PAXIP1: variants seen among roughly 807,000 people sequenced by gnomAD.
PAXIP1 encodes the protein PAX-interacting protein 1.
Under a neutral mutation model 140.6 loss-of-function variants are expected in PAXIP1, and 19 were observed. The observed-to-expected ratio is 0.14, with a 90% CI of 0.09 to 0.20. The LOEUF (loss-of-function observed/expected upper bound fraction) is 0.20, where lower values mean the gene tolerates loss of function less well. PAXIP1 is among the 10% of genes least tolerant of loss of function. The pLI is 1.00. For missense variants in PAXIP1, 920 were observed against 1,208.6 expected, an observed-to-expected ratio of 0.76 and a Z score of 3.54; for synonymous variants, 442 against 444.6, an observed-to-expected ratio of 0.99 and a Z score of 0.07.
chr7:154,953,308 A>T (rs981139322), intron 16 of PAXIP1, among the ~76,000 whole-genome samples: 3 of 152,240 alleles, frequency 2.0e-5, no homozygotes, highest in Non-Finnish European at 4.4e-5. Flanking sequence ...AATATAGGGC[A>T]AACAACTGGC....
intron 4 of PAXIP1, among the ~76,000 whole-genome samples, chr7:154,989,324 C>T (rs1279624344): frequency 1.3e-5 from 2 of 152,196 alleles, no homozygotes; most frequent in Non-Finnish European, 2.9e-5. Context: ...TACCCAGCTC[C>T]GTAATCCTCT....
intron 8 of PAXIP1, chr7:154,965,140 T>C (rs893162873): frequency 6.6e-6 from 1 of 152,234 alleles, no homozygotes; most frequent in African/African-American, 2.4e-5. Context: ...GTTTTCCCTC[T>C]ATCTTGGGTC....
rs570004947 is a variant in PAXIP1 at position 154,977,288 on chromosome 7, T to C, written c.439-957A>G. Among the ~76,000 whole-genome samples, 17 of 152,332 alleles carry C rather than the reference T, an allele frequency of 1.1e-4. No homozygotes were observed. In the South Asian group the frequency reaches 3.3e-3, roughly 30 times the overall value. ...AAGTAACCTTAAAATAAATGAGTTG[T>C]AAATTTGGCTGTGCTCCTAAAAGCT... On this transcript the variant is annotated intron_variant, in intron 5 of 20. Transcript: ENST00000404141.
rs376061286 is a variant in PAXIP1, at chr7:154,973,009, T to G, written c.1074+2687A>C. Among the ~76,000 whole-genome samples, 1 of 152,250 alleles carries G rather than the reference T, an allele frequency of 6.6e-6. No homozygotes were observed. The highest frequency in any genetic ancestry group is 1.5e-5 in the Non-Finnish European group (1 of 68,042). On this transcript the variant is annotated intron_variant, in intron 6 of 20. Transcript: ENST00000404141. The surrounding 1 kb of genome is among the most constrained non-coding windows in gnomAD (Gnocchi z 4.0). ...GCCCTGTGGCTTTATCCCGCCCACC[T>G]GCCTGGACGCGGATGTGCAGGGACC...
chr7:154,976,809 A>G (rs948384810), intron 5 of PAXIP1, among the ~76,000 whole-genome samples: 1 of 152,230 alleles, frequency 6.6e-6, no homozygotes, highest in African/African-American at 2.4e-5. Context: ...GGACAGCTCT[A>G]TTCAAGATCC....
At chr7:154,984,923 T>G (rs1305444571) in intron 4 of PAXIP1, among the ~76,000 whole-genome samples, 1 of 152,190 alleles carries the variant, frequency 6.6e-6, no homozygotes. Context: ...GGCGTAGACC[T>G]CAACAGGGTG....
At chr7:154,958,120 C>A (rs1457547858) in intron 13 of PAXIP1, among the ~76,000 whole-genome samples, 2 of 152,160 alleles carry the variant, frequency 1.3e-5, no homozygotes, top group African/African-American at 2.4e-5. Context: ...TACCAACAGC[C>A]AGACAAGGTA....
In PAXIP1 at chr7:154,954,315, C is replaced by T. The variant is rs755840208; in HGVS notation, c.2761G>A (p.Val921Met). 6.2e-7 allele frequency: 1 copy of T among 1,603,328 alleles called. No homozygotes were observed. Among genetic ancestry groups the T allele is most frequent in the Admixed American group, 1.7e-5 (1 of 59,510 alleles). Residue 921 changes from valine (V) to methionine (M), a missense_variant, in exon 16 of 21, where the codon GTG becomes ATG. Transcript: ENST00000404141. The surrounding 1 kb of genome is among the most constrained non-coding windows in gnomAD (Gnocchi z 5.1). ...TVKFLTAISV[V>M]KHIVTPEWLE... is the part of the protein sequence containing the mutation. ...CACTCTGGCGTCACTATGTGCTTCA[C>T]GACAGAAATCGCCGTCAGGAACTTC...
At position 154,998,638 on chromosome 7, in the gene PAXIP1, T is replaced by C. The variant is rs1339981532; in HGVS notation, c.216+12A>G. The stretch of plus-strand genomic sequence containing the variant: ...AGGAAAAGATATAAAACAAATTATG[T>C]TTACTACTGACCTTTACAACAGGTA... On this transcript the variant is annotated intron_variant, in intron 2 of 20. Coordinates refer to ENST00000404141, the MANE Select transcript of PAXIP1 (RefSeq NM_007349.4). 1.2e-6 allele frequency: 2 copies of C among 1,608,428 alleles called. No individual in the cohort carries two copies. Among genetic ancestry groups the C allele is most frequent in the Non-Finnish European group, 8.5e-7 (1 of 1,176,144 alleles).
At chr7:154,962,737 A>C in intron 9 of PAXIP1, 1 of 220,818 alleles carries the variant, frequency 4.5e-6, no homozygotes, top group Non-Finnish European at 9.0e-6. Flanking sequence ...CTGAAACAAC[A>C]TGTGTGACCA....
At chr7:154,960,838 G>T in intron 12 of PAXIP1, 55 bp downstream of exon 12, 1 of 1,256,324 alleles carries the variant, frequency 8.0e-7, no homozygotes, top group Admixed American at 2.7e-5. Context: ...GATGGTAGAA[G>T]TAATGCTAAT....
At chr7:154,988,370 A>G (rs956293272) in intron 4 of PAXIP1, among the ~76,000 whole-genome samples, 21 of 152,300 alleles carry the variant, frequency 1.4e-4, no homozygotes, top group East Asian at 5.8e-4. Context: ...TCATAGAATC[A>G]TACCTGTGGC....
At position 154,993,728 on chromosome 7, in the gene PAXIP1, C is replaced by G; in HGVS notation, c.258G>C (p.Leu86=). ...CCCCCACTCAAAAAAAAGGATACGG[C>G]AGAAGAGTTCCACACTGAACGGACA... ...VILSVQCGTL[L]PVNGFSPESC... is the part of the protein sequence containing the mutation. Residue 86 remains leucine (L), a splice_region_variant and synonymous_variant, in exon 3 of 21, where the codon CTG becomes CTC. Transcript: ENST00000404141. 1 of 1,592,192 alleles carries G rather than the reference C, an allele frequency of 6.3e-7. No homozygotes were observed. Among genetic ancestry groups the G allele is most frequent in the Non-Finnish European group, 8.6e-7 (1 of 1,169,202 alleles).
At chr7:155,002,516 C>T (rs1301213994) in intron 1 of PAXIP1, among the ~76,000 whole-genome samples, 2 of 151,816 alleles carry the variant, frequency 1.3e-5, no homozygotes, top group Non-Finnish European at 2.9e-5. Context: ...CGCGACCCCG[C>T]GCCCGTCCCG....
rs1807971575 is a variant in PAXIP1 at position 154,946,324 on chromosome 7, T to C, written c.3194+41A>G. The C allele has an allele frequency of 6.2e-7, 1 of 1,613,386 alleles. No homozygotes were observed. The highest frequency in any genetic ancestry group is 1.1e-5 in the South Asian group (1 of 91,072). ...ATTAACCTGGGAAATCCATTTCATA[T>C]CTAACCCGTCTACTTTTTAATTCTC... On this transcript the variant is annotated intron_variant, in intron 20 of 20. Transcript: ENST00000404141. This position sits in a 1 kb window ranked among gnomAD's most constrained non-coding sequence, Gnocchi z 4.9.
chr7:154,943,889 C>T lies in PAXIP1; in HGVS notation c.*260G>A. 2 of 427,908 alleles carry T rather than the reference C, an allele frequency of 4.7e-6. No individual in the cohort carries two copies. Among genetic ancestry groups the T allele is most frequent in the Non-Finnish European group, 8.6e-6 (2 of 231,800 alleles). The allele number at this position is 427,908 out of a possible 1,614,324, so 26.5% of individuals were successfully genotyped here. A position where few individuals can be genotyped will look rare whatever the true frequency, so the allele number is the denominator to read the frequency against. On this transcript the variant is annotated 3_prime_UTR_variant, in exon 21 of 21. Transcript: ENST00000404141. ...CAGTTTTGTGAAAACATTTAAAAACCTGGCAAATGAATCATAAAACCTAAT... is the reference window on the plus strand; with the variant it reads ...CAGTTTTGTGAAAACATTTAAAAACTTGGCAAATGAATCATAAAACCTAAT...
In PAXIP1 at chr7:154,973,428, T is replaced by C. The variant is rs568792337; in HGVS notation, c.1074+2268A>G. The stretch of plus-strand genomic sequence containing the variant: ...CCTCTCAAGCCAGAAACCCAAAGTC[T>C]TCCCTATCTATGAATCACCTATTTG... On this transcript the variant is annotated intron_variant, in intron 6 of 20. Coordinates refer to ENST00000404141, the MANE Select transcript of PAXIP1 (RefSeq NM_007349.4). The surrounding 1 kb of genome is among the most constrained non-coding windows in gnomAD (Gnocchi z 4.0). Among the ~76,000 whole-genome samples, 1 of 152,292 alleles carries C rather than the reference T, an allele frequency of 6.6e-6. No homozygotes were observed. Among genetic ancestry groups the C allele is most frequent in the Admixed American group, 6.5e-5 (1 of 15,300 alleles).
At chr7:154,978,361 A>G (rs1219465326) in intron 5 of PAXIP1, among the ~76,000 whole-genome samples, 1 of 152,208 alleles carries the variant, frequency 6.6e-6, no homozygotes, top group African/African-American at 2.4e-5. Context: ...GAATAGATTT[A>G]AGGCTTCATA....
rs575701877 is a variant in PAXIP1 at position 154,998,565 on chromosome 7, C to G, written c.216+85G>C. ...ATAAAACAGGACTTTAGCAAAAACC[C>G]TGAAAAGAGCTATAGTGAAACTTCA... On this transcript the variant is annotated intron_variant, in intron 2 of 20. Transcript: ENST00000404141. 55 of 858,978 alleles carry G rather than the reference C, an allele frequency of 6.4e-5. No individual in the cohort carries two copies. In the Middle Eastern group the frequency reaches 2.0e-3, roughly 31 times the overall value. The allele number at this position is 858,978 out of a possible 1,614,324, so 53.2% of individuals were successfully genotyped here.
Sources: gnomAD v4.1 joint callset for allele counts (sites outside exome capture counted in the v4.1 genomes callset) on GRCh38, gnomAD v4.1.1 for gene constraint, Gnocchi (gnomAD v3.1) non-coding constraint, MANE v1.5 for transcripts, NCBI Gene and HGNC (gene_info 2026-07-23, HGNC 2026-07-21) for gene names.